Variants in ZNF365 observed in about 807,000 individuals in gnomAD.
ZNF365 encodes zinc finger protein 365.
A neutral mutation model predicts 35.0 loss-of-function variants in ZNF365; 22 were observed. That is an observed-to-expected ratio of 0.63 (90% CI 0.45 to 0.90). The LOEUF (loss-of-function observed/expected upper bound fraction) is 0.90, where lower values mean the gene tolerates loss of function less well. ZNF365 is among the 40% of genes least tolerant of loss of function. The probability of loss-of-function intolerance (pLI) is 0.00; values close to 1 mark genes in which losing one functional copy is unlikely to be tolerated. For synonymous variants in ZNF365, 188 were observed against 196.2 expected (o/e 0.96, Z 0.35); for missense variants, 448 against 500.3 (o/e 0.90, Z 1.00).
intron 3 of ZNF365, among the ~76,000 whole-genome samples, chr10:62,413,677 A>G (rs1423329599): frequency 6.6e-6 from 1 of 151,744 alleles, no homozygotes; most frequent in Non-Finnish European, 1.5e-5. Flanking sequence ...GTTAGAAATG[A>G]GGAATACCAG....
At position 62,400,221 on chromosome 10, in the gene ZNF365, TAGC is replaced by T; in HGVS notation, c.*435_*437del. ...GAATGGCAGTGTAAAGTTCTGTTAA[TAGC>T]AGTAAAATGAAAATATTTGTGTTTG... On this transcript the variant is annotated 3_prime_UTR_variant, in exon 5 of 5. Transcript: ENST00000395254. 1.0e-6 allele frequency: 1 copy of T among 992,950 alleles called. No homozygotes were observed. Among genetic ancestry groups the T allele is most frequent in the Non-Finnish European group, 1.2e-6 (1 of 834,110 alleles). The allele number at this position is 992,950 out of a possible 1,614,324, so 61.5% of individuals were successfully genotyped here. A position where few individuals can be genotyped will look rare whatever the true frequency, so the allele number is the denominator to read the frequency against.
At chr10:62,390,958 A>G (rs1478831353) in intron 3 of ZNF365, among the ~76,000 whole-genome samples, 1 of 152,184 alleles carries the variant, frequency 6.6e-6, no homozygotes, top group Non-Finnish European at 1.5e-5. Context: ...CCGGATTGGA[A>G]TTTGCTCTGG....
chr10:62,474,769 G>A (rs897442183), intron 4 of ZNF365, among the ~76,000 whole-genome samples: 3 of 152,080 alleles, frequency 2.0e-5, no homozygotes, highest in East Asian at 1.9e-4. Context: ...AAAACTAAAC[G>A]TTTTCTCCCA....
chr10:62,463,284 C>A (rs984698751), intron 4 of ZNF365, among the ~76,000 whole-genome samples: 16 of 152,214 alleles, frequency 1.1e-4, no homozygotes, highest in Non-Finnish European at 1.5e-4. Flanking sequence ...GGTCACCTCA[C>A]CTTCTTGTCA....
chr10:62,404,854 A>G (rs1316004960), downstream of ZNF365, among the ~76,000 whole-genome samples: 1 of 152,130 alleles, frequency 6.6e-6, no homozygotes, highest in African/African-American at 2.4e-5. Context: ...GATTTTGGAG[A>G]TTTTATTTCA....
At chr10:62,405,912 C>CTTTATTTTTA (rs1839897816), downstream of ZNF365, among the ~76,000 whole-genome samples, 1 of 152,170 alleles carries the variant, frequency 6.6e-6, no homozygotes, top group African/African-American at 2.4e-5. Context: ...CAGGAATGTA[C>CTTTATTTTTA]TTTATTTTTA....
intron 3 of ZNF365, among the ~76,000 whole-genome samples, chr10:62,435,323 T>C (rs1413519577): frequency 2.6e-5 from 4 of 152,084 alleles, no homozygotes; most frequent in African/African-American, 9.7e-5. Flanking sequence ...GGAGGTAAAT[T>C]TTTTTCTGAT....
At chr10:62,428,698 G>A (rs1430997276) in intron 3 of ZNF365, among the ~76,000 whole-genome samples, 2 of 152,166 alleles carry the variant, frequency 1.3e-5, no homozygotes, top group Admixed American at 6.5e-5. Flanking sequence ...CTGGAGGGGG[G>A]CATCTAGGGT....
chr10:62,479,781 C>T, intron 4 of ZNF365: 1 of 852,234 alleles, frequency 1.2e-6, no homozygotes, highest in South Asian at 1.4e-5. Context: ...TTTGCCAGGA[C>T]CCATGGTTGA....
intron 3 of ZNF365, among the ~76,000 whole-genome samples, chr10:62,417,594 C>G (rs775530336): frequency 7.2e-5 from 11 of 151,914 alleles, no homozygotes; most frequent in Non-Finnish European, 1.5e-4. Flanking sequence ...ATTCAACATC[C>G]ACGGCTCAAA....
intron 3 of ZNF365, among the ~76,000 whole-genome samples, chr10:62,430,780 A>G (rs1321387801): frequency 6.6e-6 from 1 of 152,208 alleles, no homozygotes; most frequent in African/African-American, 2.4e-5. Context: ...TAACCTGGAT[A>G]GCTTGCTGGG....
At chr10:62,420,938 A>T (rs1158774995) in intron 3 of ZNF365, among the ~76,000 whole-genome samples, 1 of 149,036 alleles carries the variant, frequency 6.7e-6, no homozygotes, top group Admixed American at 6.7e-5. Context: ...ACCTGTCACC[A>T]CACCCGGCTA....
chr10:62,405,476 C>G (rs964555664), downstream of ZNF365, among the ~76,000 whole-genome samples: 1 of 152,120 alleles, frequency 6.6e-6, no homozygotes, highest in African/African-American at 2.4e-5. Flanking sequence ...AGCCAATGCT[C>G]CTTCACCGTG....
At chr10:62,453,659 G>T (rs530969802) in intron 3 of ZNF365, among the ~76,000 whole-genome samples, 1 of 152,122 alleles carries the variant, frequency 6.6e-6, no homozygotes, top group Non-Finnish European at 1.5e-5. Flanking sequence ...CCAGCAGTGG[G>T]ATTGCTGGAT....
chr10:62,425,760 G>A (rs375177813), intron 3 of ZNF365, among the ~76,000 whole-genome samples: 52 of 152,120 alleles, frequency 3.4e-4, no homozygotes, highest in African/African-American at 1.2e-3. Context: ...TATCACCATC[G>A]GATGTACCAT....
chr10:62,387,143 T>G (rs1440034489), intron 2 of ZNF365, among the ~76,000 whole-genome samples: 1 of 152,202 alleles, frequency 6.6e-6, no homozygotes, highest in East Asian at 1.9e-4. Context: ...TATTCATGGC[T>G]TCTTATTAAG....
At chr10:62,446,598 AG>A (rs1840593099) in intron 3 of ZNF365, among the ~76,000 whole-genome samples, 1 of 83,220 alleles carries the variant, frequency 1.2e-5, no homozygotes, top group Non-Finnish European at 3.2e-5. Flanking sequence ...CAGAGCTTCC[AG>A]GGATTTTTTT....
chr10:62,461,427 C>A (rs1037230633), intron 4 of ZNF365, among the ~76,000 whole-genome samples: 14 of 152,218 alleles, frequency 9.2e-5, no homozygotes, highest in African/African-American at 2.9e-4. Flanking sequence ...AGGGAAAGGC[C>A]TCTGAGCATA....
At chr10:62,427,534 A>C (rs1840269204) in intron 3 of ZNF365, among the ~76,000 whole-genome samples, 1 of 152,198 alleles carries the variant, frequency 6.6e-6, no homozygotes, top group South Asian at 2.1e-4. Flanking sequence ...AGGATGCGTG[A>C]CTTACACAGA....
Sources: allele counts gnomAD v4.1 joint callset (sites outside exome capture counted in the v4.1 genomes callset), GRCh38; gene constraint gnomAD v4.1.1; transcripts MANE v1.5; gene names NCBI Gene and HGNC (gene_info 2026-07-23, HGNC 2026-07-21).